POU2F2: variants seen among roughly 807,000 people sequenced by gnomAD.
POU2F2 encodes the protein POU domain, class 2, transcription factor 2.
In POU2F2, 14 loss-of-function variants were observed where a neutral mutation model predicts 63.5. The observed-to-expected ratio is 0.22, with a 90% CI of 0.15 to 0.34. The LOEUF (loss-of-function observed/expected upper bound fraction) is 0.34. Among genes scored for constraint, POU2F2 ranks in the 10% least tolerant of loss-of-function variants. The pLI is 1.00. For synonymous variants in POU2F2, 306 were observed against 348.6 expected, an observed-to-expected ratio of 0.88 and a Z score of 1.36; for missense variants, 607 against 815.2, an observed-to-expected ratio of 0.74 and a Z score of 3.11.
chr19:42,142,717 C>T (rs1026501175), intron 2 of POU2F2, among the ~76,000 whole-genome samples: 2 of 151,986 alleles, frequency 1.3e-5, no homozygotes, highest in African/African-American at 4.8e-5. Context: ...CACATGCTAC[C>T]ACACCCAGCT....
intron 1 of POU2F2, among the ~76,000 whole-genome samples, chr19:42,168,160 GT>G (rs2090533251): frequency 6.6e-6 from 1 of 152,200 alleles, no homozygotes; most frequent in Non-Finnish European, 1.5e-5. Flanking sequence ...CTTGGCCAGG[GT>G]TCCCAGACTG....
intron 2 of POU2F2, among the ~76,000 whole-genome samples, chr19:42,158,055 C>T (rs183304595): frequency 4.4e-4 from 67 of 152,232 alleles, no homozygotes; most frequent in Non-Finnish European, 8.1e-4. Flanking sequence ...CAGGTGAGGG[C>T]GATGTTTATT....
intron 2 of POU2F2, among the ~76,000 whole-genome samples, chr19:42,149,424 A>T (rs2034296963): frequency 6.6e-6 from 1 of 152,076 alleles, no homozygotes; most frequent in African/African-American, 2.4e-5. Flanking sequence ...ACCAAGAGAG[A>T]TGGGGCTAGA....
rs2076903664 is a variant in POU2F2 at position 42,095,941 on chromosome 19, G to A, written c.730-12C>T. ...AGGCCCACATCACCCTGGGCCAGTG[G>A]GGCGGGGAAGGGCCCGAAGTCAGGG... On this transcript the variant is annotated splice_polypyrimidine_tract_variant and intron_variant, in intron 8 of 14. Coordinates refer to ENST00000692977, the MANE Select transcript of POU2F2 (RefSeq NM_001394376.1). This position sits in a 1 kb window ranked among gnomAD's most constrained non-coding sequence, Gnocchi z 7.1. 10 of 1,611,098 alleles carry A rather than the reference G, an allele frequency of 6.2e-6. No homozygotes were observed. Among genetic ancestry groups the A allele is most frequent in the South Asian group, 1.1e-5 (1 of 90,758 alleles).
upstream of POU2F2, among the ~76,000 whole-genome samples, chr19:42,176,831 C>T (rs1229068298): frequency 6.6e-6 from 1 of 151,644 alleles, no homozygotes; most frequent in Non-Finnish European, 1.5e-5. Context: ...AGCCGGAGCG[C>T]GGTGCGGAGT....
rs929847899 is a variant in POU2F2, at chr19:42,117,763, T to TG, written c.187-332dup. Among the ~76,000 whole-genome samples the TG allele has an allele frequency of 6.6e-6, 1 of 151,600 alleles. No homozygotes were observed. Among genetic ancestry groups the TG allele is most frequent in the African/African-American group, 2.4e-5 (1 of 41,194 alleles). On this transcript the variant is annotated intron_variant, in intron 4 of 14. Transcript: ENST00000692977. The surrounding 1 kb of genome is among the most constrained non-coding windows in gnomAD (Gnocchi z 4.4). ...GGGAGGTCGAGGCAGGCGGATCACT[T>TG]GGGGTCAGGAGTTTGAAACCAGCCT... is the stretch of plus-strand genomic sequence containing the variant.
chr19:42,194,983 AAGAG>A (rs141524912), intron 1 of POU2F2, among the ~76,000 whole-genome samples: 3 of 98,614 alleles, frequency 3.0e-5, no homozygotes, highest in African/African-American at 4.4e-5. Flanking sequence ...GGGAGGGAGA[AAGAG>A]AGGGAGGGAG....
intron 3 of POU2F2, 25 bp from the exon 4 acceptor site, chr19:42,122,207 G>A: frequency 6.2e-7 from 1 of 1,607,676 alleles, no homozygotes; most frequent in Non-Finnish European, 8.5e-7. Flanking sequence ...TAGGAGCAAG[G>A]GGATGGGAAT....
chr19:42,138,735 G>A (rs1599649636), intron 2 of POU2F2, among the ~76,000 whole-genome samples: 1 of 152,088 alleles, frequency 6.6e-6, no homozygotes, highest in East Asian at 1.9e-4. Flanking sequence ...AGAAGTGGGT[G>A]CTGGGCTGGG....
intron 1 of POU2F2, among the ~76,000 whole-genome samples, chr19:42,189,707 A>G (rs562759993): frequency 1.3e-5 from 2 of 152,182 alleles, no homozygotes; most frequent in South Asian, 4.2e-4. Flanking sequence ...AGGAAGGTAG[A>G]GGTTTTTTTG....
chr19:42,143,498 G>A (rs2034169911), intron 2 of POU2F2, among the ~76,000 whole-genome samples: 1 of 152,298 alleles, frequency 6.6e-6, no homozygotes, highest in South Asian at 2.1e-4. Context: ...TATAAGTTGT[G>A]TGCTCAGTAG....
rs1319848381 is a variant in POU2F2, at chr19:42,155,258, CCTTT to C, written c.-9+5070_-9+5073del. Among the ~76,000 whole-genome samples the C allele has an allele frequency of 1.3e-5, 2 of 152,232 alleles. No homozygotes were observed. Among genetic ancestry groups the C allele is most frequent in the African/African-American group, 4.8e-5 (2 of 41,468 alleles). On this transcript the variant is annotated intron_variant, in intron 2 of 6. Transcript: ENST00000524801. This position sits in a 1 kb window ranked among gnomAD's most constrained non-coding sequence, Gnocchi z 4.2. ...CACGCGCCCTCTCTTTCTCTCTGTT[CCTTT>C]CTGTCTCTGAGTCCCTCACTCTGCT...
At chr19:42,135,144 G>A (rs1255429987), upstream of POU2F2, among the ~76,000 whole-genome samples, 1 of 152,120 alleles carries the variant, frequency 6.6e-6, no homozygotes, top group African/African-American at 2.4e-5. Context: ...GGAACCCAAG[G>A]GTTCTTTCCC....
Position 42,117,160 on chromosome 19 carries a change from G to T in POU2F2, c.369+90C>A. ...AGGCAGGTGTGAGAGAGTGGCCATG[G>T]CCTTGGTGGAACAGTTCATCCACTA... On this transcript the variant is annotated intron_variant, in intron 5 of 14. Coordinates refer to ENST00000692977, the MANE Select transcript of POU2F2 (RefSeq NM_001394376.1). The surrounding 1 kb of genome is among the most constrained non-coding windows in gnomAD (Gnocchi z 4.4). 1 of 1,078,392 alleles carries T rather than the reference G, an allele frequency of 9.3e-7. No homozygotes were observed. The highest frequency in any genetic ancestry group is 1.3e-6 in the Non-Finnish European group (1 of 751,800). The allele number at this position is 1,078,392 out of a possible 1,614,324, so 66.8% of individuals were successfully genotyped here. A position where few individuals can be genotyped will look rare whatever the true frequency, so the allele number is the denominator to read the frequency against.
intron 2 of POU2F2, among the ~76,000 whole-genome samples, chr19:42,158,842 A>G (rs1177432633): frequency 6.6e-6 from 1 of 152,178 alleles, no homozygotes; most frequent in Non-Finnish European, 1.5e-5. Flanking sequence ...TCTAGCTCCC[A>G]AACTAATTCT....
chr19:42,106,011 CTTT>C (rs2029870429), intron 5 of POU2F2, among the ~76,000 whole-genome samples: 12 of 138,144 alleles, frequency 8.7e-5, no homozygotes, highest in Non-Finnish European at 1.6e-5. Context: ...TTCTTTCTTT[CTTT>C]CTTTCTTTCT....
At chr19:42,109,730 C>T (rs140171229) in intron 5 of POU2F2, among the ~76,000 whole-genome samples, 2 of 152,258 alleles carry the variant, frequency 1.3e-5, no homozygotes, top group African/African-American at 4.8e-5. Flanking sequence ...GCCTTGAACT[C>T]CTGGGCTCAG....
intron 5 of POU2F2, among the ~76,000 whole-genome samples, chr19:42,109,089 A>G (rs141666454): frequency 2.0e-4 from 31 of 152,344 alleles, no homozygotes; most frequent in African/African-American, 7.2e-4. Flanking sequence ...TGCAGGATAC[A>G]TGGGTGAATT....
Position 42,091,565 on chromosome 19 carries a change from G to A in POU2F2, c.1567C>T (p.Leu523Phe). ...QALASGGTLP[L>F]TSLDGSGNLV... ...TTCCCGCTGCCATCAAGGCTGGTAA[G>A]GGGCAGGGTTCCACCAGAGGCCAGG... is the stretch of plus-strand genomic sequence containing the variant. Residue 523 changes from leucine (L) to phenylalanine (F), a missense_variant, in exon 15 of 15, where the codon CTT becomes TTT. Leu to Phe is a conservative substitution (Grantham distance 22). This residue lies in a region of POU2F2 where 270 missense variants were observed against 307.5 expected (regional missense o/e 0.88). Coordinates refer to ENST00000692977, the MANE Select transcript of POU2F2 (RefSeq NM_001394376.1). 1 of 1,553,334 alleles carries A rather than the reference G, an allele frequency of 6.4e-7. No individual in the cohort carries two copies. Among genetic ancestry groups the A allele is most frequent in the Non-Finnish European group, 8.7e-7 (1 of 1,147,580 alleles).
Sources: gnomAD v4.1 joint callset for allele counts (sites outside exome capture counted in the v4.1 genomes callset) on GRCh38, gnomAD v4.1.1 for gene constraint, gnomAD v4.1.1 regional missense constraint, Gnocchi (gnomAD v3.1) non-coding constraint, MANE v1.5 for transcripts, NCBI Gene and HGNC (gene_info 2026-07-23, HGNC 2026-07-21) for gene names.